Variants in NR3C2 observed in about 807,000 individuals in gnomAD.
NR3C2 encodes the protein mineralocorticoid receptor.
In NR3C2, 15 loss-of-function variants were observed where a neutral mutation model predicts 86.4. That is an observed-to-expected ratio of 0.17 (90% confidence interval 0.12 to 0.27). NR3C2 has a LOEUF of 0.27. NR3C2 is among the 10% of genes least tolerant of loss of function. NR3C2 has a pLI of 1.00. For synonymous variants in NR3C2, 458 were observed against 450.5 expected (o/e 1.02, Z -0.21); for missense variants, 960 against 1,195.6 (o/e 0.80, Z 2.91).
intron 2 of NR3C2, among the ~76,000 whole-genome samples, chr4:148,274,187 C>T (rs1195665592): frequency 1.3e-5 from 2 of 151,678 alleles, no homozygotes; most frequent in Non-Finnish European, 2.9e-5. Flanking sequence ...ACTTTCCAAA[C>T]ATAGTAAGTG....
At chr4:148,419,127 C>T (rs1229923143) in intron 2 of NR3C2, among the ~76,000 whole-genome samples, 1 of 150,276 alleles carries the variant, frequency 6.7e-6, no homozygotes, top group Non-Finnish European at 1.5e-5. Context: ...GGCTAGCCAT[C>T]TTGCATAAAT....
intron 3 of NR3C2, among the ~76,000 whole-genome samples, chr4:148,252,063 T>C (rs936865869): frequency 6.6e-6 from 1 of 152,138 alleles, no homozygotes; most frequent in Non-Finnish European, 1.5e-5. Context: ...CTGGGTGACC[T>C]TGGACAAGTT....
chr4:148,431,130 C>T (rs1030683739), intron 2 of NR3C2, among the ~76,000 whole-genome samples: 1 of 151,980 alleles, frequency 6.6e-6, no homozygotes, highest in African/African-American at 2.4e-5. Context: ...ATAAGAAGAA[C>T]AAGGAATTCA....
intron 2 of NR3C2, among the ~76,000 whole-genome samples, chr4:148,417,277 GTGTATGTATGCA>G (rs1043059177): frequency 6.6e-6 from 1 of 151,936 alleles, no homozygotes; most frequent in African/African-American, 2.4e-5. Flanking sequence ...AAAATGTTCA[GTGTATGTATGCA>G]TGTGTGTATG....
chr4:148,157,149 C>G (rs1734433683), intron 4 of NR3C2, among the ~76,000 whole-genome samples: 1 of 100,400 alleles, frequency 1.0e-5, no homozygotes, highest in Non-Finnish European at 1.8e-5. Flanking sequence ...ACTCTGGGGA[C>G]TGTTGTGGGG....
Position 148,263,861 on chromosome 4 carries a change from A to T in NR3C2, c.1758-3744T>A, listed in dbSNP as rs967118644. Among the ~76,000 whole-genome samples the T allele has an allele frequency of 4.6e-5, 7 of 152,106 alleles. 1 individual carries two copies. Among genetic ancestry groups the T allele is most frequent in the Admixed American group, 4.6e-4 (7 of 15,278 alleles). ...CTCCTAACTCCTTCACATTTTGCTA[A>T]TCCTTCTCCTTTAGCAGTTACCACT... is the stretch of plus-strand genomic sequence containing the variant. On this transcript the variant is annotated intron_variant, in intron 2 of 8. Coordinates refer to ENST00000358102, the MANE Select transcript of NR3C2 (RefSeq NM_000901.5).
chr4:148,175,576 C>T (rs183835971), intron 4 of NR3C2, among the ~76,000 whole-genome samples: 2 of 152,190 alleles, frequency 1.3e-5, no homozygotes, highest in South Asian at 2.1e-4. Flanking sequence ...TTTTTAATGC[C>T]ATGAAATTTA....
chr4:148,137,959 C>A (rs1733423759), intron 6 of NR3C2, among the ~76,000 whole-genome samples: 1 of 152,050 alleles, frequency 6.6e-6, no homozygotes, highest in Admixed American at 6.6e-5. Flanking sequence ...TATGTGATGG[C>A]TTTATGTTTC....
At chr4:148,157,628 A>T (rs1190509329) in intron 4 of NR3C2, among the ~76,000 whole-genome samples, 3 of 151,454 alleles carry the variant, frequency 2.0e-5, no homozygotes, top group South Asian at 4.2e-4. Context: ...GAGAACAATT[A>T]AAAAAAAAGT....
chr4:148,304,699 A>C (rs1742520662), intron 2 of NR3C2, among the ~76,000 whole-genome samples: 1 of 152,082 alleles, frequency 6.6e-6, no homozygotes, highest in Admixed American at 6.6e-5. Context: ...TAGATGCAGG[A>C]GGAAGATAAG....
chr4:148,138,097 AG>A (rs1733432332), intron 6 of NR3C2, among the ~76,000 whole-genome samples: 2 of 152,208 alleles, frequency 1.3e-5, no homozygotes, highest in Non-Finnish European at 2.9e-5. Context: ...GAGAGCGTAA[AG>A]GGTCCTGAGA....
At chr4:148,280,975 G>C (rs1195504685) in intron 2 of NR3C2, among the ~76,000 whole-genome samples, 3 of 152,204 alleles carry the variant, frequency 2.0e-5, no homozygotes, top group African/African-American at 4.8e-5. Context: ...AAAGCAAGGA[G>C]CAAAAAGAGA....
At chr4:148,396,488 T>C (rs1224694443) in intron 2 of NR3C2, among the ~76,000 whole-genome samples, 1 of 152,212 alleles carries the variant, frequency 6.6e-6, no homozygotes, top group African/African-American at 2.4e-5. Flanking sequence ...AACTGAAGCT[T>C]TACTTGAATG....
chr4:148,277,634 A>T (rs2149892628), intron 2 of NR3C2, among the ~76,000 whole-genome samples: 1 of 152,344 alleles, frequency 6.6e-6, no homozygotes, highest in South Asian at 2.1e-4. Context: ...TAAACAAAAA[A>T]TAGTATTAAA....
chr4:148,262,724 A>C (rs1740186325), intron 2 of NR3C2, among the ~76,000 whole-genome samples: 1 of 152,130 alleles, frequency 6.6e-6, no homozygotes, highest in Non-Finnish European at 1.5e-5. Context: ...TGATGTTATT[A>C]TATACAGGGG....
intron 4 of NR3C2, among the ~76,000 whole-genome samples, chr4:148,167,000 C>T (rs867793560): frequency 3.3e-5 from 5 of 152,138 alleles, no homozygotes; most frequent in Non-Finnish European, 1.5e-5. Flanking sequence ...AAACAGTTTT[C>T]GTTTCTTCTC....
intron 6 of NR3C2, among the ~76,000 whole-genome samples, chr4:148,130,196 T>G (rs932084121): frequency 2.0e-5 from 3 of 152,212 alleles, no homozygotes; most frequent in Non-Finnish European, 4.4e-5. Flanking sequence ...ATAGTTTTGG[T>G]ACCCTAAAGG....
Position 148,386,264 on chromosome 4 carries a change from A to G in NR3C2, c.1757+48840T>C, listed in dbSNP as rs187424723. On this transcript the variant is annotated intron_variant, in intron 2 of 8. Coordinates refer to ENST00000358102, the MANE Select transcript of NR3C2 (RefSeq NM_000901.5). ...ATGAAGGTTCAGAAAATAAAATCCAACTTTAACACCAAAATTAACAGGGCC... is the reference window on the plus strand; with the variant it reads ...ATGAAGGTTCAGAAAATAAAATCCAGCTTTAACACCAAAATTAACAGGGCC... Among the ~76,000 whole-genome samples, 851 of 152,182 alleles carry G rather than the reference A, an allele frequency of 5.6e-3. 3 individuals are homozygous for G. Among genetic ancestry groups the G allele is most frequent in the Non-Finnish European group, 9.7e-3 (660 of 68,004 alleles).
intron 6 of NR3C2, among the ~76,000 whole-genome samples, chr4:148,141,358 C>A (rs147506111): frequency 0.014 from 2,173 of 152,056 alleles, 53 homozygotes; most frequent in African/African-American, 0.049. Flanking sequence ...CACTTGAACC[C>A]AGGAGGCGGA....
Sources: gnomAD v4.1 joint callset for allele counts (sites outside exome capture counted in the v4.1 genomes callset) on GRCh38, gnomAD v4.1.1 for gene constraint, MANE v1.5 for transcripts, NCBI Gene and HGNC (gene_info 2026-07-23, HGNC 2026-07-21) for gene names.